Variants in RAB38 observed in about 807,000 individuals in gnomAD.
The protein encoded by RAB38 is ras-related protein Rab-38.
Under a neutral mutation model 18.4 loss-of-function variants are expected in RAB38, and 15 were observed. That is an observed-to-expected ratio of 0.82 (90% CI 0.55 to 1.26). The LOEUF (loss-of-function observed/expected upper bound fraction) is 1.26. Among genes scored for constraint, RAB38 ranks in the 50% most tolerant of loss-of-function variants. RAB38 has a pLI of 0.00. For synonymous variants in RAB38, 101 were observed against 104.4 expected, an observed-to-expected ratio of 0.97 and a Z score of 0.20; for missense variants, 294 against 267.4, an observed-to-expected ratio of 1.10 and a Z score of -0.69.
At chr11:87,936,248 T>G in the RAB38 span, among the ~76,000 whole-genome samples, 385 of 152,240 alleles carry the variant, frequency 2.5e-3, no homozygotes, top group African/African-American at 8.9e-3. Context: ...TCTTATGTTT[T>G]TATTCTAAAA....
chr11:88,091,145 G>A, the RAB38 span, among the ~76,000 whole-genome samples: 1 of 151,962 alleles, frequency 6.6e-6, no homozygotes, highest in Non-Finnish European at 1.5e-5. Flanking sequence ...TGACCACCTA[G>A]CCAGAAGTTT....
chr11:88,030,501 A>C, the RAB38 span, among the ~76,000 whole-genome samples: 1 of 152,218 alleles, frequency 6.6e-6, no homozygotes, highest in Non-Finnish European at 1.5e-5. Context: ...TAAAGAAAAA[A>C]AGAGAGAAGA....
the RAB38 span, among the ~76,000 whole-genome samples, chr11:88,031,805 C>T: frequency 6.6e-6 from 1 of 152,112 alleles, no homozygotes; most frequent in South Asian, 2.1e-4. Context: ...CCATACTGCC[C>T]AAGGTAATTT....
At chr11:87,868,604 A>AGAGAGAGAGAAG in the RAB38 span, among the ~76,000 whole-genome samples, 1 of 76,076 alleles carries the variant, frequency 1.3e-5, no homozygotes, top group African/African-American at 4.4e-5. Flanking sequence ...AGAGAGAGAG[A>AGAGAGAGAGAAG]GAGAGAGAGA....
At chr11:88,063,658 T>C in the RAB38 span, among the ~76,000 whole-genome samples, 87 of 152,252 alleles carry the variant, frequency 5.7e-4, no homozygotes, top group Middle Eastern at 3.4e-3. Flanking sequence ...GTGGAGATAA[T>C]TGAATCATGG....
the RAB38 span, among the ~76,000 whole-genome samples, chr11:87,919,082 T>C: frequency 2.0e-5 from 3 of 152,046 alleles, no homozygotes; most frequent in South Asian, 2.1e-4. Flanking sequence ...TGTGTAGATA[T>C]CCAGTTTTCC....
intron 1 of RAB38, among the ~76,000 whole-genome samples, chr11:88,171,647 G>A (rs1943312788): frequency 6.6e-6 from 1 of 152,096 alleles, no homozygotes; most frequent in Admixed American, 6.6e-5. Flanking sequence ...AAATATGCCT[G>A]GACATTCATA....
chr11:87,835,035 T>C, the RAB38 span, among the ~76,000 whole-genome samples: 1 of 152,028 alleles, frequency 6.6e-6, no homozygotes, highest in South Asian at 2.1e-4. Flanking sequence ...CCATAGGAGG[T>C]AGTAAAAAGT....
chr11:87,868,583 GA>G, the RAB38 span, among the ~76,000 whole-genome samples: 1 of 3,872 alleles, frequency 2.6e-4, no homozygotes, highest in Non-Finnish European at 7.1e-4. Context: ...GTGAGGGAGA[GA>G]GAGAGAGAGA....
chr11:88,126,993 C>T lies in RAB38; in HGVS notation c.484-12853G>A, dbSNP rs137873723. On this transcript the variant is annotated intron_variant, in intron 2 of 2. Transcript: ENST00000243662. Reference sequence around the variant, plus strand: ...TAAGTCATATATGAGACTGGAGGGGCAAACAAACTTCTTCATTAGAGTAAG... The same window carrying T: ...TAAGTCATATATGAGACTGGAGGGGTAAACAAACTTCTTCATTAGAGTAAG... 1.2e-3 allele frequency among the ~76,000 whole-genome samples: 177 copies of T among 152,250 alleles called. 2 individuals are homozygous for T. The highest frequency in any genetic ancestry group is 4.1e-3 in the African/African-American group (171 of 41,558).
the RAB38 span, among the ~76,000 whole-genome samples, chr11:87,860,532 C>T: frequency 1.1e-4 from 17 of 151,734 alleles, no homozygotes; most frequent in East Asian, 5.8e-4. Context: ...ATTGCGAATA[C>T]GTTTTTATTG....
the RAB38 span, among the ~76,000 whole-genome samples, chr11:87,883,577 C>A: frequency 3.9e-5 from 6 of 151,918 alleles, no homozygotes; most frequent in African/African-American, 1.4e-4. Context: ...TGTTGCCTTA[C>A]ATGGCAAAGG....
At chr11:88,047,248 G>C in the RAB38 span, among the ~76,000 whole-genome samples, 2 of 151,982 alleles carry the variant, frequency 1.3e-5, no homozygotes, top group Admixed American at 1.3e-4. Flanking sequence ...ACTTCAATCC[G>C]GCCTCCCACA....
intron 2 of RAB38, among the ~76,000 whole-genome samples, chr11:88,148,184 C>T (rs960804690): frequency 5.3e-5 from 8 of 152,126 alleles, no homozygotes; most frequent in Admixed American, 6.5e-5. Context: ...CAAGAACTCT[C>T]GCAACTGAGC....
At chr11:87,862,292 A>T in the RAB38 span, among the ~76,000 whole-genome samples, 2 of 152,036 alleles carry the variant, frequency 1.3e-5, no homozygotes, top group Non-Finnish European at 2.9e-5. Flanking sequence ...GGATAAAGAA[A>T]ATGTGGTACG....
chr11:87,971,657 C>G, the RAB38 span, among the ~76,000 whole-genome samples: 1 of 152,230 alleles, frequency 6.6e-6, no homozygotes, highest in East Asian at 1.9e-4. Context: ...GAGTGAAAGG[C>G]AAGAGATGCT....
chr11:87,888,499 G>A, the RAB38 span, among the ~76,000 whole-genome samples: 2 of 151,930 alleles, frequency 1.3e-5, no homozygotes, highest in Admixed American at 6.6e-5. Flanking sequence ...CTGAGCCTCA[G>A]TTCTCTCATT....
chr11:88,174,084 C>G, intron 1 of RAB38: 2 of 985,318 alleles, frequency 2.0e-6, no homozygotes, highest in East Asian at 2.3e-4. Flanking sequence ...GAAGTTGTTC[C>G]CATGGAGAAT....
chr11:87,877,065 T>C, the RAB38 span, among the ~76,000 whole-genome samples: 1 of 151,540 alleles, frequency 6.6e-6, no homozygotes, highest in East Asian at 2.0e-4. Flanking sequence ...TGGTCTTGTG[T>C]ATAAAGAGTA....
Sources: gnomAD v4.1 joint callset for allele counts (sites outside exome capture counted in the v4.1 genomes callset) on GRCh38, gnomAD v4.1.1 for gene constraint, MANE v1.5 for transcripts, NCBI Gene and HGNC (gene_info 2026-07-23, HGNC 2026-07-21) for gene names.